The following PTPRD variants were observed in gnomAD, a reference collection of about 807,000 sequenced individuals.
The protein encoded by PTPRD is protein tyrosine phosphatase receptor type D.
Under a neutral mutation model 214.5 loss-of-function variants are expected in PTPRD, and 34 were observed. The observed-to-expected ratio is 0.16, with a 90% confidence interval of 0.12 to 0.21. The LOEUF is 0.21. Among genes scored for constraint, PTPRD ranks in the 10% least tolerant of loss-of-function variants. PTPRD has a pLI of 1.00. For missense variants in PTPRD, 2,545 were observed against 2,398.7 expected (o/e 1.06, Z -1.27); for synonymous variants, 1,128 against 845.7 (o/e 1.33, Z -5.79).
chr9:8,819,396 C>T (rs1179339981), intron 11 of PTPRD, among the ~76,000 whole-genome samples: 1 of 152,082 alleles, frequency 6.6e-6, no homozygotes, highest in East Asian at 1.9e-4. Context: ...AGCACAGTGG[C>T]TCACACCTGT....
chr9:9,542,671 A>G (rs1279145957), intron 8 of PTPRD, among the ~76,000 whole-genome samples: 1 of 151,806 alleles, frequency 6.6e-6, no homozygotes, highest in Non-Finnish European at 1.5e-5. Context: ...GGCACATCCT[A>G]AAAGAGATAT....
intron 43 of PTPRD, among the ~76,000 whole-genome samples, chr9:8,334,084 A>C (rs1844221717): frequency 6.6e-6 from 1 of 152,198 alleles, no homozygotes; most frequent in African/African-American, 2.4e-5. Flanking sequence ...CCACACAATA[A>C]TAATAGGAGA....
intron 11 of PTPRD, among the ~76,000 whole-genome samples, chr9:9,014,518 T>C (rs2099526257): frequency 6.6e-6 from 1 of 152,090 alleles, no homozygotes; most frequent in South Asian, 2.1e-4. Flanking sequence ...TCACAATCAA[T>C]CCAGAAGAAA....
chr9:9,234,310 A>G (rs2099965141), intron 9 of PTPRD, among the ~76,000 whole-genome samples: 1 of 152,192 alleles, frequency 6.6e-6, no homozygotes, highest in African/African-American at 2.4e-5. Context: ...CAACTGGGGC[A>G]CAGGGCACCA....
intron 39 of PTPRD, among the ~76,000 whole-genome samples, chr9:8,364,815 C>T (rs904025091): frequency 6.6e-6 from 1 of 152,222 alleles, no homozygotes. Context: ...TACCCATCAG[C>T]CTTTCTTCCC....
intron 2 of PTPRD, among the ~76,000 whole-genome samples, chr9:10,534,591 G>T (rs1009514045): frequency 2.6e-5 from 4 of 151,920 alleles, no homozygotes; most frequent in African/African-American, 9.7e-5. Flanking sequence ...TTTCACAATG[G>T]AAACATAAAA....
chr9:10,177,267 A>C (rs2099254274), intron 3 of PTPRD, among the ~76,000 whole-genome samples: 1 of 151,732 alleles, frequency 6.6e-6, no homozygotes, highest in Non-Finnish European at 1.5e-5. Context: ...AGAAGAATAT[A>C]AATGTGGAAG....
chr9:8,633,599 T>A lies in PTPRD; in HGVS notation c.211-141A>T, dbSNP rs200272818. On this transcript the variant is annotated intron_variant, in intron 13 of 45. Transcript: ENST00000381196. ...CTGAAACTGAATTTTGATATAGTGG[T>A]GAAAAAATATTTGGTCTAATTTAGT... 50 of 940,268 alleles carry A rather than the reference T, an allele frequency of 5.3e-5. No homozygotes were observed. In the East Asian group the frequency reaches 1.4e-3, roughly 25 times the overall value. 58.2% of individuals were successfully genotyped at this position (940,268 alleles called of 1,614,324 possible).
At chr9:9,683,963 T>C (rs2097123245) in intron 7 of PTPRD, among the ~76,000 whole-genome samples, 1 of 151,624 alleles carries the variant, frequency 6.6e-6, no homozygotes, top group Non-Finnish European at 1.5e-5. Flanking sequence ...ATTCATGTCC[T>C]TGACTGCCAA....
chr9:10,361,981 A>C (rs1409342923), intron 2 of PTPRD, among the ~76,000 whole-genome samples: 1 of 152,204 alleles, frequency 6.6e-6, no homozygotes, highest in African/African-American at 2.4e-5. Flanking sequence ...GAAATGTATC[A>C]TGGTTAAGAT....
rs1239945318 is a variant in PTPRD, at chr9:10,112,065, G to A, written c.-544-78275C>T. Reference sequence around the variant, plus strand: ...TTGTGAATAAACAACAATGTGGGTAGGCCAATGAATATCCAGGTACCTGAA... The same window carrying A: ...TTGTGAATAAACAACAATGTGGGTAAGCCAATGAATATCCAGGTACCTGAA... On this transcript the variant is annotated intron_variant, in intron 3 of 45. Transcript: ENST00000381196. Among the ~76,000 whole-genome samples the A allele has an allele frequency of 2.0e-5, 3 of 152,284 alleles. No individual in the cohort carries two copies. The East Asian group carries it at 5.8e-4, about 29-fold the overall frequency.
At chr9:9,947,526 ATATATTT>A (rs1430362199) in intron 4 of PTPRD, among the ~76,000 whole-genome samples, 14 of 21,204 alleles carry the variant, frequency 6.6e-4, no homozygotes, top group East Asian at 7.6e-3. Context: ...TATATATTAT[ATATATTT>A]TATATATAAT....
At chr9:8,833,943 T>G (rs10758998) in intron 11 of PTPRD, among the ~76,000 whole-genome samples, 71,164 of 137,204 alleles carry the variant, frequency 0.52, 17,267 homozygotes, top group Middle Eastern at 0.62. Context: ...TTTTAAGAAG[T>G]TACTTCAGAT....
chr9:8,458,597 C>A (rs1240164483), intron 33 of PTPRD, among the ~76,000 whole-genome samples: 3 of 152,154 alleles, frequency 2.0e-5, no homozygotes, highest in African/African-American at 7.2e-5. Flanking sequence ...TTATTGAATT[C>A]TCTTCTGGAA....
At chr9:10,120,647 C>A (rs2098767238) in intron 3 of PTPRD, among the ~76,000 whole-genome samples, 1 of 144,058 alleles carries the variant, frequency 6.9e-6, no homozygotes, top group African/African-American at 2.5e-5. Context: ...TTCTATACAT[C>A]CATCAATATT....
At chr9:9,371,259 G>A (rs1343090740) in intron 9 of PTPRD, among the ~76,000 whole-genome samples, 1 of 152,024 alleles carries the variant, frequency 6.6e-6, no homozygotes, top group East Asian at 1.9e-4. Flanking sequence ...TTTTTGGTTG[G>A]TAAGGTATTA....
intron 3 of PTPRD, among the ~76,000 whole-genome samples, chr9:10,165,931 A>G (rs906189112): frequency 2.0e-5 from 3 of 150,124 alleles, no homozygotes; most frequent in Admixed American, 6.6e-5. Flanking sequence ...CTATGCAGAC[A>G]TAATCTATGT....
At chr9:10,544,028 C>G (rs1308957669) in intron 2 of PTPRD, among the ~76,000 whole-genome samples, 1 of 152,048 alleles carries the variant, frequency 6.6e-6, no homozygotes, top group Non-Finnish European at 1.5e-5. Flanking sequence ...TTTTTCACAC[C>G]ACTCCTTTAA....
At chr9:8,732,263 T>G (rs1191584019) in intron 12 of PTPRD, among the ~76,000 whole-genome samples, 1 of 152,184 alleles carries the variant, frequency 6.6e-6, no homozygotes, top group Non-Finnish European at 1.5e-5. Context: ...TTTAGTTATC[T>G]GGAAATATAA....
Sources: allele counts gnomAD v4.1 joint callset (sites outside exome capture counted in the v4.1 genomes callset), GRCh38; gene constraint gnomAD v4.1.1; transcripts MANE v1.5; gene names NCBI Gene and HGNC (gene_info 2026-07-23, HGNC 2026-07-21).